Variants in ANKS1B observed in about 807,000 individuals in gnomAD.
ANKS1B encodes ankyrin repeat and sterile alpha motif domain containing 1B, also known as ankyrin repeat and sterile alpha motif domain-containing protein 1B.
Under a neutral mutation model 148.3 loss-of-function variants are expected in ANKS1B, and 36 were observed. The observed-to-expected ratio is 0.24, with a 90% confidence interval of 0.19 to 0.32. The LOEUF is 0.32. Among genes scored for constraint, ANKS1B ranks in the 10% least tolerant of loss-of-function variants. The probability of loss-of-function intolerance (pLI) is 1.00; values close to 1 mark genes in which losing one functional copy is unlikely to be tolerated. For synonymous variants in ANKS1B, 542 were observed against 560.8 expected (o/e 0.97, Z 0.47); for missense variants, 1,157 against 1,542.6 (o/e 0.75, Z 4.19).
chr12:99,226,955 A>C (rs536236024), intron 14 of ANKS1B, among the ~76,000 whole-genome samples: 2 of 152,326 alleles, frequency 1.3e-5, no homozygotes, highest in Non-Finnish European at 2.9e-5. Flanking sequence ...GGGCGGAGCT[A>C]AGCAGACATC....
intron 25 of ANKS1B, among the ~76,000 whole-genome samples, chr12:98,771,255 A>G (rs879508094): frequency 8.6e-5 from 13 of 152,004 alleles, no homozygotes; most frequent in Non-Finnish European, 1.6e-4. Context: ...GTGAAGCCTC[A>G]GTGTCCTGGG....
chr12:99,227,685 A>G (rs150209111), intron 14 of ANKS1B, among the ~76,000 whole-genome samples: 1 of 152,312 alleles, frequency 6.6e-6, no homozygotes, highest in African/African-American at 2.4e-5. Flanking sequence ...ATTCTTATAA[A>G]AAGCTTAGTG....
intron 12 of ANKS1B, among the ~76,000 whole-genome samples, chr12:99,347,289 G>C (rs1456698367): frequency 6.6e-6 from 1 of 151,988 alleles, no homozygotes; most frequent in African/African-American, 2.4e-5. Flanking sequence ...TGAGAAGAAG[G>C]CTGGGAAGTG....
intron 15 of ANKS1B, among the ~76,000 whole-genome samples, chr12:99,135,085 G>A (rs1046617665): frequency 1.3e-5 from 2 of 151,950 alleles, no homozygotes; most frequent in Non-Finnish European, 1.5e-5. Context: ...TTTCTAACAG[G>A]TTCAAAACAA....
At chr12:99,738,176 G>A (rs888102477) in intron 8 of ANKS1B, among the ~76,000 whole-genome samples, 15 of 152,094 alleles carry the variant, frequency 9.9e-5, no homozygotes, top group Admixed American at 8.5e-4. Context: ...TACTGAAGCA[G>A]GAATTTAAGC....
At chr12:99,172,515 A>G (rs1224276939) in intron 14 of ANKS1B, among the ~76,000 whole-genome samples, 2 of 152,166 alleles carry the variant, frequency 1.3e-5, no homozygotes, top group South Asian at 2.1e-4. Context: ...TTAGTTTCCT[A>G]GAACAAAGTA....
At chr12:99,725,220 TAA>T (rs1371780614) in intron 8 of ANKS1B, among the ~76,000 whole-genome samples, 2 of 152,106 alleles carry the variant, frequency 1.3e-5, no homozygotes, top group East Asian at 1.9e-4. Flanking sequence ...GCAAATTGGA[TAA>T]AGAGTCAAGA....
rs374590442 is a variant in ANKS1B, at chr12:99,066,433, T to C, written c.2626-13124A>G. 2.5e-4 allele frequency among the ~76,000 whole-genome samples: 38 copies of C among 152,298 alleles called. No homozygotes were observed. The East Asian group carries it at 3.5e-3, about 14-fold the overall frequency. ...CCCTCAGGAAGGAGGGTCCAGCATA[T>C]GTTCAAGAAATAACAAGGAGACCAA... is the stretch of plus-strand genomic sequence containing the variant. On this transcript the variant is annotated intron_variant, in intron 16 of 26. Coordinates refer to ENST00000683438, the MANE Select transcript of ANKS1B (RefSeq NM_001352186.2).
In ANKS1B at chr12:98,751,762, C is replaced by T. The variant is rs189179255; in HGVS notation, c.3580-240G>A. On this transcript the variant is annotated intron_variant, in intron 25 of 26. Transcript: ENST00000683438. The surrounding 1 kb of genome is among the most constrained non-coding windows in gnomAD (Gnocchi z 4.3). ...TGGGACCTCAAATCACTAAGACAAA[C>T]GAAAAAGTCAGCTGGGAACTGTGTT... Among the ~76,000 whole-genome samples the T allele has an allele frequency of 6.0e-3, 911 of 152,216 alleles. 13 individuals are homozygous for T. The highest frequency in any genetic ancestry group is 0.029 in the South Asian group (141 of 4,826).
chr12:99,464,011 C>T (rs981764003), intron 10 of ANKS1B, among the ~76,000 whole-genome samples: 2 of 152,148 alleles, frequency 1.3e-5, no homozygotes, highest in Non-Finnish European at 2.9e-5. Context: ...TGACCCCTGA[C>T]CCCCAAGCAG....
intron 17 of ANKS1B, among the ~76,000 whole-genome samples, chr12:98,884,329 T>C (rs1447636068): frequency 6.6e-6 from 1 of 152,236 alleles, no homozygotes; most frequent in African/African-American, 2.4e-5. Context: ...TATAACCTGA[T>C]ACGTTTGTAC....
intron 1 of ANKS1B, among the ~76,000 whole-genome samples, chr12:99,858,041 T>C (rs1329300641): frequency 6.6e-6 from 1 of 152,072 alleles, no homozygotes; most frequent in African/African-American, 2.4e-5. Flanking sequence ...AGATGGGACT[T>C]AATTAAACCA....
chr12:99,283,326 T>A (rs894131943), intron 12 of ANKS1B, among the ~76,000 whole-genome samples: 1 of 152,180 alleles, frequency 6.6e-6, no homozygotes, highest in African/African-American at 2.4e-5. Flanking sequence ...TCCTCAAATA[T>A]GAACCCTATA....
chr12:99,152,546 T>C (rs2075220416), intron 15 of ANKS1B, among the ~76,000 whole-genome samples: 2 of 152,154 alleles, frequency 1.3e-5, no homozygotes, highest in Non-Finnish European at 2.9e-5. Flanking sequence ...GAATGCTTAT[T>C]TGAAACCTGT....
At chr12:99,225,684 AAAC>A (rs1438174109) in intron 14 of ANKS1B, among the ~76,000 whole-genome samples, 1 of 152,216 alleles carries the variant, frequency 6.6e-6, no homozygotes, top group Non-Finnish European at 1.5e-5. Flanking sequence ...TCCTGCCCTG[AAAC>A]AACAGACTCC....
chr12:99,183,597 C>T (rs1052289569), intron 14 of ANKS1B, among the ~76,000 whole-genome samples: 4 of 152,078 alleles, frequency 2.6e-5, no homozygotes, highest in African/African-American at 4.8e-5. Flanking sequence ...GAGCTGAGAT[C>T]GTGTCACTGC....
chr12:99,390,627 C>T (rs534830935), intron 12 of ANKS1B, among the ~76,000 whole-genome samples: 2 of 152,316 alleles, frequency 1.3e-5, no homozygotes, highest in South Asian at 4.1e-4. Flanking sequence ...AAAGAGAGCT[C>T]TGGGTTCCCA....
intron 12 of ANKS1B, among the ~76,000 whole-genome samples, chr12:99,320,927 C>T (rs1405546430): frequency 6.6e-6 from 1 of 152,168 alleles, no homozygotes; most frequent in African/African-American, 2.4e-5. Flanking sequence ...ACAGTCATGA[C>T]CCTGGAAATG....
At chr12:99,273,557 C>CTT (rs745470936) in intron 12 of ANKS1B, among the ~76,000 whole-genome samples, 7 of 111,184 alleles carry the variant, frequency 6.3e-5, no homozygotes, top group African/African-American at 2.0e-4. Flanking sequence ...TTATCAGATT[C>CTT]TTTTTTTTTT....
Sources: allele counts gnomAD v4.1 joint callset (sites outside exome capture counted in the v4.1 genomes callset), GRCh38; gene constraint gnomAD v4.1.1; non-coding constraint Gnocchi (gnomAD v3.1); transcripts MANE v1.5; gene names NCBI Gene and HGNC (gene_info 2026-07-23, HGNC 2026-07-21).